DTD1: variants seen among roughly 807,000 people sequenced by gnomAD.
The protein encoded by DTD1 is D-tyrosyl-tRNA deacylase 1 homolog.
Under a neutral mutation model 25.6 loss-of-function variants are expected in DTD1, and 13 were observed. That is an observed-to-expected ratio of 0.51 (90% CI 0.33 to 0.81). The LOEUF (loss-of-function observed/expected upper bound fraction) is 0.81. Among genes scored for constraint, DTD1 ranks in the 30% least tolerant of loss-of-function variants. The pLI, the probability that DTD1 is intolerant of heterozygous loss-of-function variation, is 0.02. For synonymous variants in DTD1, 110 were observed against 103.6 expected (o/e 1.06, Z -0.37); for missense variants, 193 against 266.4 (o/e 0.72, Z 1.92).
chr20:18,653,597 A>G (rs569367481), intron 4 of DTD1, among the ~76,000 whole-genome samples: 2 of 152,348 alleles, frequency 1.3e-5, no homozygotes, highest in South Asian at 4.1e-4. Context: ...TAAACAGACA[A>G]ATAGCATACT....
At chr20:18,685,548 T>C (rs1207556684) in intron 4 of DTD1, among the ~76,000 whole-genome samples, 1 of 152,178 alleles carries the variant, frequency 6.6e-6, no homozygotes, top group Admixed American at 6.5e-5. Flanking sequence ...TGCGCCTCGC[T>C]CCAGCTTCAG....
rs1375904371 is a variant in DTD1, at chr20:18,618,674, C to CAT, written c.371-9452_371-9451insTA. ...ATGTGTATATATACATAATTTTATA[C>CAT]ACACACACACACACACACACACACA... is the stretch of plus-strand genomic sequence containing the variant. On this transcript the variant is annotated intron_variant, in intron 3 of 5. Coordinates refer to ENST00000377452, the MANE Select transcript of DTD1 (RefSeq NM_080820.6). 2.3e-3 allele frequency among the ~76,000 whole-genome samples: 234 copies of CAT among 100,874 alleles called. 1 individual carries two copies. The highest frequency in any genetic ancestry group is 3.2e-3 in the Non-Finnish European group (158 of 49,022). 66.2% of individuals were successfully genotyped at this position (100,874 alleles called of 152,430 possible).
chr20:18,763,809 T>C lies in DTD1; in HGVS notation c.*469T>C, dbSNP rs1471352208. On this transcript the variant is annotated 3_prime_UTR_variant, in exon 6 of 6. Transcript: ENST00000377452. ...GAAGTGTCAAGAGAGCAATCATCAA[T>C]GATAATGTATTGTGTGAGACCTTTG... 1.3e-5 allele frequency: 2 copies of C among 152,270 alleles called. No individual in the cohort carries two copies. The highest frequency in any genetic ancestry group is 1.9e-4 in the East Asian group (1 of 5,204). 9.4% of individuals were successfully genotyped at this position (152,270 alleles called of 1,614,324 possible).
chr20:18,630,136 A>G (rs974805837), intron 4 of DTD1, among the ~76,000 whole-genome samples: 1 of 152,038 alleles, frequency 6.6e-6, no homozygotes, highest in Admixed American at 6.6e-5. Flanking sequence ...AAAAATCACA[A>G]ATGAAAAGTC....
intron 3 of DTD1, among the ~76,000 whole-genome samples, chr20:18,616,613 C>A (rs755446552): frequency 6.6e-6 from 1 of 151,858 alleles, no homozygotes; most frequent in Admixed American, 6.6e-5. Flanking sequence ...CATAGCAAGA[C>A]CCCATCTCTA....
At chr20:18,759,811 A>G (rs1168088121) in intron 5 of DTD1, among the ~76,000 whole-genome samples, 2 of 152,164 alleles carry the variant, frequency 1.3e-5, no homozygotes, top group African/African-American at 4.8e-5. Context: ...GTTCTCCTGG[A>G]TAATATCCTG....
chr20:18,733,922 G>A (rs1353136001), intron 4 of DTD1, among the ~76,000 whole-genome samples: 1 of 152,120 alleles, frequency 6.6e-6, no homozygotes, highest in Non-Finnish European at 1.5e-5. Context: ...CACTCTACAC[G>A]GTGTGTTATG....
intron 4 of DTD1, among the ~76,000 whole-genome samples, chr20:18,722,931 C>T (rs758325233): frequency 2.6e-5 from 4 of 151,976 alleles, no homozygotes; most frequent in Non-Finnish European, 4.4e-5. Context: ...AAGTCAGCAC[C>T]ATAAGAGAGG....
In DTD1 at chr20:18,593,799, A is replaced by G. The variant is rs1204675555; in HGVS notation, c.112A>G (p.Thr38Ala). 5 of 1,613,804 alleles carry G rather than the reference A, an allele frequency of 3.1e-6. No homozygotes were observed. Among genetic ancestry groups the G allele is most frequent in the Non-Finnish European group, 4.2e-6 (5 of 1,179,892 alleles). ...CVLLGISLED[T>A]QKELEHMVRK... ...GTTGCTGGGTATTTCCCTGGAGGAT[A>G]CGCAGAAGGAACTGGAACACATGTA... The change falls in exon 2 of 6, where the codon ACG becomes GCG. Residue 38 changes from threonine to alanine, a missense_variant. Coordinates refer to ENST00000377452, the MANE Select transcript of DTD1 (RefSeq NM_080820.6).
chr20:18,707,959 G>T (rs1788833437), intron 4 of DTD1, among the ~76,000 whole-genome samples: 2 of 150,926 alleles, frequency 1.3e-5, no homozygotes, highest in African/African-American at 4.9e-5. Context: ...TCCAGAACCA[G>T]CCAGTGTTTC....
intron 4 of DTD1, among the ~76,000 whole-genome samples, chr20:18,709,654 T>C (rs2061150660): frequency 6.6e-6 from 1 of 152,206 alleles, no homozygotes; most frequent in Non-Finnish European, 1.5e-5. Context: ...TCATCCTTTT[T>C]TTATCAGAGT....
chr20:18,706,416 G>C (rs1318176785), intron 4 of DTD1, among the ~76,000 whole-genome samples: 1 of 152,190 alleles, frequency 6.6e-6, no homozygotes, highest in Non-Finnish European at 1.5e-5. Context: ...TGTTGCTTTA[G>C]ACTTTCTTCT....
At chr20:18,674,895 AGGCCGTCTCT>A (rs2060964119) in intron 4 of DTD1, 1 of 152,290 alleles carries the variant, frequency 6.6e-6, no homozygotes, top group Non-Finnish European at 1.5e-5. Context: ...TCTTTAAGTC[AGGCCGTCTCT>A]GTTAGTTGTT....
chr20:18,706,976 T>C lies in DTD1; in HGVS notation c.478-37124T>C, dbSNP rs541463452. On this transcript the variant is annotated intron_variant, in intron 4 of 5. Coordinates refer to ENST00000377452, the MANE Select transcript of DTD1 (RefSeq NM_080820.6). The stretch of plus-strand genomic sequence containing the variant: ...TCAGGTGTGCCCCCTGGAGACCCCG[T>C]GTGCTGAGGGGGCTGAATAGCAGTG... Among the ~76,000 whole-genome samples, 195 of 152,314 alleles carry C rather than the reference T, an allele frequency of 1.3e-3. 1 individual carries two copies. The highest frequency in any genetic ancestry group is 4.6e-3 in the African/African-American group (191 of 41,584).
chr20:18,606,022 T>C (rs2060655551), intron 3 of DTD1, among the ~76,000 whole-genome samples: 1 of 143,810 alleles, frequency 7.0e-6, no homozygotes. Context: ...TTTCGCAACC[T>C]ACTCATCTGA....
intron 4 of DTD1, among the ~76,000 whole-genome samples, chr20:18,636,768 G>T (rs2060809167): frequency 6.6e-6 from 1 of 152,198 alleles, no homozygotes; most frequent in African/African-American, 2.4e-5. Context: ...TTCTCTGGAG[G>T]TCCCAAGAAG....
intron 4 of DTD1, among the ~76,000 whole-genome samples, chr20:18,697,399 G>A (rs777992907): frequency 6.6e-6 from 1 of 152,058 alleles, no homozygotes; most frequent in Non-Finnish European, 1.5e-5. Context: ...TTCACTTAAA[G>A]CTTTACCATT....
At chr20:18,588,180 T>C in intron 1 of DTD1, 65 bp downstream of exon 1, 1 of 1,201,512 alleles carries the variant, frequency 8.3e-7, no homozygotes, top group Non-Finnish European at 1.0e-6. Flanking sequence ...CTGTCTTGCG[T>C]GGGGGGTCTT....
intron 4 of DTD1, among the ~76,000 whole-genome samples, chr20:18,741,715 T>A (rs2061278733): frequency 6.6e-6 from 1 of 151,512 alleles, no homozygotes; most frequent in Non-Finnish European, 1.5e-5. Flanking sequence ...GATTTATCTA[T>A]TTTTTTTAAT....
Sources: allele counts gnomAD v4.1 joint callset (sites outside exome capture counted in the v4.1 genomes callset), GRCh38; gene constraint gnomAD v4.1.1; transcripts MANE v1.5; gene names NCBI Gene and HGNC (gene_info 2026-07-23, HGNC 2026-07-21).